The following SSR2 variants were observed in gnomAD, a reference collection of about 807,000 sequenced individuals.
SSR2 encodes the protein signal sequence receptor subunit 2.
SSR2 carries 16 observed loss-of-function variants against 22.6 expected under a neutral mutation model. The ratio of observed to expected loss-of-function variants is 0.71; its 90% CI spans 0.48 to 1.08. SSR2 has a LOEUF of 1.08. Among genes scored for constraint, SSR2 ranks in the 50% least tolerant of loss-of-function variants. The pLI is 0.00. For missense variants in SSR2, 171 were observed against 221.6 expected (o/e 0.77, Z 1.45); for synonymous variants, 83 against 91.2 (o/e 0.91, Z 0.51).
intron 1 of SSR2, chr1:156,020,524 T>C (rs953728516): frequency 6.5e-6 from 2 of 306,582 alleles, no homozygotes; most frequent in African/African-American, 2.2e-5. Context: ...GCCTGTAGCT[T>C]TCCCTCACAC....
At chr1:156,012,727 T>C in intron 4 of SSR2, 1 of 357,730 alleles carries the variant, frequency 2.8e-6, no homozygotes, top group Non-Finnish European at 5.6e-6. Context: ...GTGTACTAAT[T>C]AGCCTACAGC....
chr1:156,017,062 T>A (rs1683069260), intron 3 of SSR2, among the ~76,000 whole-genome samples: 2 of 152,214 alleles, frequency 1.3e-5, no homozygotes, highest in South Asian at 4.1e-4. Flanking sequence ...AATTATTATT[T>A]AAGAGACTAG....
At position 156,009,818 on chromosome 1, in the gene SSR2, G is replaced by A. The variant is rs570400025; in HGVS notation, c.442-168C>T. Among the ~76,000 whole-genome samples the A allele has an allele frequency of 3.3e-5, 5 of 152,146 alleles. No homozygotes were observed. In the South Asian group the frequency reaches 1.0e-3, roughly 32 times the overall value. ...AGACGGAGTCTCGCCCTGTCACCTA[G>A]GCTGGTATGCAGTGGCACATTCTCA... On this transcript the variant is annotated intron_variant, in intron 5 of 5. Transcript: ENST00000295702.
chr1:156,018,834 G>T (rs996453709), intron 2 of SSR2, among the ~76,000 whole-genome samples: 1 of 151,282 alleles, frequency 6.6e-6, no homozygotes, highest in African/African-American at 2.4e-5. Flanking sequence ...GGCCAACATG[G>T]TGAAACTCCG....
chr1:156,017,574 TC>T (rs1683075579), intron 3 of SSR2, among the ~76,000 whole-genome samples: 1 of 151,844 alleles, frequency 6.6e-6, no homozygotes, highest in Non-Finnish European at 1.5e-5. Flanking sequence ...GGTCTCGAAC[TC>T]CTGACCTCGT....
intron 2 of SSR2, among the ~76,000 whole-genome samples, chr1:156,019,470 C>A (rs1033890094): frequency 3.9e-5 from 6 of 152,048 alleles, no homozygotes; most frequent in Admixed American, 1.3e-4. Context: ...CTGCAACTTC[C>A]GCCTCCCGGG....
chr1:156,011,907 G>T lies in SSR2; in HGVS notation c.364-20C>A. 6.3e-7 allele frequency: 1 copy of T among 1,598,444 alleles called. No homozygotes were observed. Among genetic ancestry groups the T allele is most frequent in the South Asian group, 1.1e-5 (1 of 90,668 alleles). Reference sequence around the variant, plus strand: ...GCCAATCTGAAAAGAAGAAAAGAACGACATTAAGGGAAGTCCACCTCATGA... The same window carrying T: ...GCCAATCTGAAAAGAAGAAAAGAACTACATTAAGGGAAGTCCACCTCATGA... On this transcript the variant is annotated intron_variant, in intron 4 of 5. Coordinates refer to ENST00000295702, the MANE Select transcript of SSR2 (RefSeq NM_003145.4).
chr1:156,019,868 C>G, intron 2 of SSR2, 145 bp downstream of exon 2: 1 of 821,328 alleles, frequency 1.2e-6, no homozygotes, highest in Non-Finnish European at 1.8e-6. Context: ...AAAGTAGATC[C>G]CGAAGTGTAT....
At position 156,020,135 on chromosome 1, in the gene SSR2, T is replaced by C; in HGVS notation, c.33A>G (p.Leu11=). Reference sequence around the variant, plus strand: ...CTTCCTCTGCTTGAGTGACAGCAAATAGAGCCAACACCACAAATGACAGCA... The same window carrying C: ...CTTCCTCTGCTTGAGTGACAGCAAACAGAGCCAACACCACAAATGACAGCA... The part of the protein sequence containing the change: MRLLSFVVLA[L]FAVTQAEEGA... Residue 11 remains leucine (L), a synonymous_variant, in exon 2 of 6, where the codon CTA becomes CTG. Transcript: ENST00000295702. 3 of 1,613,988 alleles carry C rather than the reference T, an allele frequency of 1.9e-6. No homozygotes were observed. Among genetic ancestry groups the C allele is most frequent in the South Asian group, 1.1e-5 (1 of 91,074 alleles).
chr1:156,016,601 A>G (rs1683060972), intron 3 of SSR2, among the ~76,000 whole-genome samples: 1 of 151,904 alleles, frequency 6.6e-6, no homozygotes, highest in Admixed American at 6.6e-5. Context: ...AAAAAAAAAG[A>G]CAAAACAAAA....
intron 3 of SSR2, among the ~76,000 whole-genome samples, chr1:156,017,868 A>C (rs1421807612): frequency 1.4e-5 from 2 of 142,876 alleles, no homozygotes; most frequent in East Asian, 4.2e-4. Context: ...CTCCTGCCTC[A>C]GCCTCCCAAG....
intron 1 of SSR2, chr1:156,020,411 C>T: frequency 4.6e-6 from 2 of 435,724 alleles, no homozygotes; most frequent in Non-Finnish European, 8.6e-6. Flanking sequence ...GTCAGAAGCC[C>T]CGGGATGCCC....
chr1:156,011,624 C>T, intron 5 of SSR2, 186 bp downstream of exon 5: 1 of 489,576 alleles, frequency 2.0e-6, no homozygotes, highest in Non-Finnish European at 3.7e-6. Flanking sequence ...CAATTGTGAT[C>T]TCATTGCCAA....
At chr1:156,012,335 T>G (rs767790910) in intron 4 of SSR2, 31 of 326,606 alleles carry the variant, frequency 9.5e-5, no homozygotes, top group Non-Finnish European at 1.8e-4. Context: ...AGGGTTAATG[T>G]GAGGCTCAAA....
chr1:156,015,369 T>C (rs896452570), intron 3 of SSR2, among the ~76,000 whole-genome samples: 6 of 151,166 alleles, frequency 4.0e-5, no homozygotes, highest in African/African-American at 9.7e-5. Flanking sequence ...TAGCTGGGCA[T>C]GGCAGCATGC....
chr1:156,018,128 C>T lies in SSR2; in HGVS notation c.254+142G>A, dbSNP rs1241795784. The stretch of plus-strand genomic sequence containing the variant: ...TAAATCATGCTCACACAATTTACAC[C>T]AACCTCTCTTGCTCCATCTTATCCA... On this transcript the variant is annotated intron_variant, in intron 3 of 5. Coordinates refer to ENST00000295702, the MANE Select transcript of SSR2 (RefSeq NM_003145.4). 2.1e-5 allele frequency: 13 copies of T among 616,856 alleles called. No homozygotes were observed. The Admixed American group carries it at 3.2e-4, about 15-fold the overall frequency. 38.2% of individuals were successfully genotyped at this position (616,856 alleles called of 1,614,324 possible).
chr1:156,009,735 G>A, intron 5 of SSR2, 85 bp from the exon 6 acceptor site: 9 of 888,056 alleles, frequency 1.0e-5, no homozygotes, highest in Non-Finnish European at 1.6e-5. Flanking sequence ...AATGAGAAAG[G>A]GAGCAGTCTA....
intron 3 of SSR2, among the ~76,000 whole-genome samples, chr1:156,017,751 T>TTTG (rs1264378778): frequency 3.3e-5 from 4 of 120,768 alleles, no homozygotes; most frequent in Non-Finnish European, 5.3e-5. Flanking sequence ...TTTTTTTTTT[T>TTTG]TTTTTTTTTT....
intron 3 of SSR2, among the ~76,000 whole-genome samples, chr1:156,016,980 C>CT (rs1216198650): frequency 2.6e-5 from 4 of 152,156 alleles, no homozygotes; most frequent in African/African-American, 7.2e-5. Flanking sequence ...AATTAAACCT[C>CT]TTTTTTTAAA....
Sources: gnomAD v4.1 joint callset for allele counts (sites outside exome capture counted in the v4.1 genomes callset) on GRCh38, gnomAD v4.1.1 for gene constraint, MANE v1.5 for transcripts, NCBI Gene and HGNC (gene_info 2026-07-23, HGNC 2026-07-21) for gene names.